The following CUL3 variants were observed in gnomAD, a reference collection of about 807,000 sequenced individuals.
CUL3 encodes the protein cullin 3, also known as cullin-3.
In CUL3, 19 loss-of-function variants were observed where a neutral mutation model predicts 89.1. That is an observed-to-expected ratio of 0.21 (90% CI 0.15 to 0.31). The LOEUF is 0.31. Ranked by LOEUF, CUL3 falls within the 10% of genes least tolerant of loss-of-function variation. CUL3 has a pLI of 1.00. For synonymous variants in CUL3, 351 were observed against 308.4 expected (o/e 1.14, Z -1.45); for missense variants, 469 against 942.3 (o/e 0.50, Z 6.58).
chr2:224,535,069 T>C (rs1293404175), intron 3 of CUL3, among the ~76,000 whole-genome samples: 1 of 151,324 alleles, frequency 6.6e-6, no homozygotes, highest in African/African-American at 2.4e-5. Flanking sequence ...AAGATTTTTA[T>C]TCACATAGGC....
At chr2:224,525,231 T>C (rs372685233) in intron 3 of CUL3, among the ~76,000 whole-genome samples, 25 of 152,234 alleles carry the variant, frequency 1.6e-4, no homozygotes, top group Non-Finnish European at 3.1e-4. Flanking sequence ...ACTGAGGTGA[T>C]TGATAGAGCA....
intron 2 of CUL3, among the ~76,000 whole-genome samples, chr2:224,540,249 G>A (rs958879145): frequency 2.6e-5 from 4 of 151,916 alleles, no homozygotes; most frequent in South Asian, 2.1e-4. Flanking sequence ...TAGAGACAAC[G>A]GTTTCACCTT....
At chr2:224,583,488 G>A (rs1458377263) in intron 1 of CUL3, among the ~76,000 whole-genome samples, 1 of 152,126 alleles carries the variant, frequency 6.6e-6, no homozygotes, top group Non-Finnish European at 1.5e-5. Flanking sequence ...ACCCAGCTCT[G>A]CCCAATTATA....
intron 1 of CUL3, among the ~76,000 whole-genome samples, chr2:224,584,514 A>T (rs1695525843): frequency 6.6e-6 from 1 of 152,020 alleles, no homozygotes; most frequent in African/African-American, 2.4e-5. Flanking sequence ...CCTAAAAGCT[A>T]GGCTGGGTAA....
At chr2:224,575,578 T>A (rs1026036034) in intron 1 of CUL3, among the ~76,000 whole-genome samples, 1 of 152,216 alleles carries the variant, frequency 6.6e-6, no homozygotes, top group Non-Finnish European at 1.5e-5. Context: ...GATAGAATAA[T>A]TAAATAATAA....
At chr2:224,563,753 C>T (rs915396263) in intron 1 of CUL3, among the ~76,000 whole-genome samples, 1 of 152,132 alleles carries the variant, frequency 6.6e-6, no homozygotes, top group African/African-American at 2.4e-5. Context: ...ACACCCCACA[C>T]CCATTAAAAA....
chr2:224,514,600 G>C lies in CUL3; in HGVS notation c.539+12C>G, dbSNP rs954060461. 1 of 1,597,764 alleles carries C rather than the reference G, an allele frequency of 6.3e-7. No individual in the cohort carries two copies. Among genetic ancestry groups the C allele is most frequent in the Non-Finnish European group, 8.5e-7 (1 of 1,171,162 alleles). On this transcript the variant is annotated intron_variant, in intron 4 of 15. Coordinates refer to ENST00000264414, the MANE Select transcript of CUL3 (RefSeq NM_003590.5). ...AAAACCAAAACCACAAGAGTAAAGA[G>C]AGAAATTTTACCTGTCTACGACTTC...
intron 1 of CUL3, among the ~76,000 whole-genome samples, chr2:224,577,828 G>GGTAA (rs1695337919): frequency 6.6e-6 from 1 of 152,102 alleles, no homozygotes; most frequent in Non-Finnish European, 1.5e-5. Context: ...CATTATGCTG[G>GGTAA]GTAAGATACT....
chr2:224,511,378 T>A lies in CUL3; in HGVS notation c.859A>T (p.Met287Leu). The A allele has an allele frequency of 1.9e-6, 3 of 1,610,670 alleles. No individual in the cohort carries two copies. Among genetic ancestry groups the A allele is most frequent in the Non-Finnish European group, 2.5e-6 (3 of 1,178,084 alleles). ...CCTTCTGTCTTTCCATTTTTCAACATATGTACTAGCCCAGAATTCTCCATT... is the reference window on the plus strand; with the variant it reads ...CCTTCTGTCTTTCCATTTTTCAACAAATGTACTAGCCCAGAATTCTCCATT... ...VEMENSGLVH[M>L]LKNGKTEDLG... The change falls in exon 6 of 16, where the codon ATG becomes TTG. Residue 287 changes from methionine to leucine, a missense_variant. By Grantham distance (15) the Met-to-Leu change is conservative. Around this residue, in one of 4 missense-constraint regions of CUL3, gnomAD observed 370 missense variants for 733.2 expected, o/e 0.50. Coordinates refer to ENST00000264414, the MANE Select transcript of CUL3 (RefSeq NM_003590.5).
intron 1 of CUL3, chr2:224,563,208 G>A (rs776058451): frequency 4.3e-6 from 2 of 470,336 alleles, no homozygotes; most frequent in South Asian, 3.1e-5. Flanking sequence ...GTATAACGTA[G>A]CTTTCTTTTA....
chr2:224,584,716 G>C (rs1695534619), intron 1 of CUL3, among the ~76,000 whole-genome samples: 1 of 148,756 alleles, frequency 6.7e-6, no homozygotes, highest in African/African-American at 2.4e-5. Flanking sequence ...CCCGGACGGG[G>C]GCGCGGCGCC....
intron 1 of CUL3, among the ~76,000 whole-genome samples, chr2:224,580,374 T>C (rs775057362): frequency 1.2e-4 from 19 of 152,212 alleles, no homozygotes; most frequent in Non-Finnish European, 2.4e-4. Context: ...CAGACAATGA[T>C]GAAGGTATAC....
At chr2:224,569,956 C>CCT (rs1695145918) in intron 1 of CUL3, 1 of 59,478 alleles carries the variant, frequency 1.7e-5, no homozygotes, top group Non-Finnish European at 3.2e-5. Context: ...GCTCCAGTCT[C>CCT]AAAAAAAAAA....
chr2:224,566,766 A>G (rs947331943), intron 1 of CUL3, among the ~76,000 whole-genome samples: 1 of 152,340 alleles, frequency 6.6e-6, no homozygotes, highest in East Asian at 1.9e-4. Flanking sequence ...CTTAAATCAT[A>G]TTAGAATCAG....
At chr2:224,515,691 C>G (rs1693012711) in intron 3 of CUL3, among the ~76,000 whole-genome samples, 1 of 147,738 alleles carries the variant, frequency 6.8e-6, no homozygotes, top group South Asian at 2.2e-4. Context: ...ATCAACTTTC[C>G]AAACTTTTTT....
intron 1 of CUL3, among the ~76,000 whole-genome samples, chr2:224,571,734 T>G (rs1695185044): frequency 6.6e-6 from 1 of 152,156 alleles, no homozygotes; most frequent in Non-Finnish European, 1.5e-5. Flanking sequence ...AACCATACCA[T>G]TCATAAAGAA....
intron 3 of CUL3, among the ~76,000 whole-genome samples, chr2:224,526,192 T>C (rs1406080137): frequency 1.3e-5 from 2 of 152,246 alleles, no homozygotes; most frequent in African/African-American, 4.8e-5. Flanking sequence ...AGTTTCTTAA[T>C]TCACATTAAA....
intron 4 of CUL3, among the ~76,000 whole-genome samples, chr2:224,514,239 C>T (rs971780695): frequency 1.4e-4 from 21 of 150,724 alleles, no homozygotes; most frequent in Non-Finnish European, 2.8e-4. Context: ...AGACTATGTT[C>T]AATAGTTTTC....
chr2:224,505,381 C>T (rs1322554914), intron 8 of CUL3, among the ~76,000 whole-genome samples: 1 of 152,094 alleles, frequency 6.6e-6, no homozygotes, highest in Admixed American at 6.6e-5. Context: ...AGGTGGTCTG[C>T]CCACCTCGGC....
Sources: gnomAD v4.1 joint callset for allele counts (sites outside exome capture counted in the v4.1 genomes callset) on GRCh38, gnomAD v4.1.1 for gene constraint, gnomAD v4.1.1 regional missense constraint, MANE v1.5 for transcripts, NCBI Gene and HGNC (gene_info 2026-07-23, HGNC 2026-07-21) for gene names.